Variants in USP47 observed in about 807,000 individuals in gnomAD.
USP47 encodes ubiquitin carboxyl-terminal hydrolase 47.
In USP47, 35 loss-of-function variants were observed where a neutral mutation model predicts 165.1. That is an observed-to-expected ratio of 0.21 (90% CI 0.16 to 0.28). The LOEUF is 0.28. Among genes scored for constraint, USP47 ranks in the 10% least tolerant of loss-of-function variants. The probability of loss-of-function intolerance (pLI) is 1.00; values close to 1 mark genes in which losing one functional copy is unlikely to be tolerated. For missense variants in USP47, 1,277 were observed against 1,607.4 expected (o/e 0.79, Z 3.52); for synonymous variants, 531 against 544.5 (o/e 0.98, Z 0.35).
chr11:11,906,020 A>T (rs1038555169), intron 8 of USP47, among the ~76,000 whole-genome samples: 22 of 152,254 alleles, frequency 1.4e-4, no homozygotes, highest in African/African-American at 5.3e-4. Flanking sequence ...TATTTAGTTT[A>T]AAAAATATAC....
intron 5 of USP47, among the ~76,000 whole-genome samples, chr11:11,899,657 C>T (rs1296897601): frequency 6.6e-6 from 1 of 151,972 alleles, no homozygotes; most frequent in African/African-American, 2.4e-5. Context: ...TAAAGATTTA[C>T]AGTAAGAGCA....
At chr11:11,885,731 A>G (rs1026231207) in intron 3 of USP47, among the ~76,000 whole-genome samples, 3 of 152,186 alleles carry the variant, frequency 2.0e-5, no homozygotes, top group African/African-American at 7.2e-5. Context: ...GGATCCAAGC[A>G]GCATTGTTCT....
intron 1 of USP47, among the ~76,000 whole-genome samples, chr11:11,869,788 C>G (rs955762104): frequency 6.6e-6 from 1 of 152,168 alleles, no homozygotes; most frequent in African/African-American, 2.4e-5. Context: ...GCGCTCTGCC[C>G]TCATGAATGG....
At chr11:11,871,632 T>C (rs1850070962) in intron 1 of USP47, among the ~76,000 whole-genome samples, 11 of 151,396 alleles carry the variant, frequency 7.3e-5, no homozygotes. Flanking sequence ...ACACATATGC[T>C]GATGAGAAAT....
At chr11:11,875,419 A>G (rs984983259) in intron 1 of USP47, among the ~76,000 whole-genome samples, 4 of 152,136 alleles carry the variant, frequency 2.6e-5, no homozygotes, top group Non-Finnish European at 4.4e-5. Flanking sequence ...GGGAATGTCA[A>G]GAAAAGGAGA....
At chr11:11,955,761 A>T (rs1427826041) in intron 27 of USP47, among the ~76,000 whole-genome samples, 2 of 152,266 alleles carry the variant, frequency 1.3e-5, no homozygotes, top group Non-Finnish European at 2.9e-5. Flanking sequence ...GATGTTCAAT[A>T]ATGATAGCTG....
chr11:11,920,508 ATTTT>A lies in USP47; in HGVS notation c.1218+15_1218+18del. ...GTTGAAGATGAGGTAAATATTTGTTATTTTAAAGTATTTTTCATTAATCCACATT... is the reference window on the plus strand; with the variant it reads ...GTTGAAGATGAGGTAAATATTTGTTAAAAGTATTTTTCATTAATCCACATT... On this transcript the variant is annotated intron_variant, in intron 10 of 27. Transcript: ENST00000527733. The A allele has an allele frequency of 6.3e-7, 1 of 1,587,270 alleles. No individual in the cohort carries two copies. The highest frequency in any genetic ancestry group is 8.6e-7 in the Non-Finnish European group (1 of 1,169,490).
In USP47 at chr11:11,842,156, C is replaced by A. The variant is rs1848156014; in HGVS notation, c.-30C>A. On this transcript the variant is annotated 5_prime_UTR_variant, in exon 1 of 28. Transcript: ENST00000527733. ...GCCGCCACCCTCCACCCTCCCCCGG[C>A]AGGGCGGAGAGGAGCGGCCGGAGTC... 1.3e-6 allele frequency: 2 copies of A among 1,551,174 alleles called. No homozygotes were observed. The highest frequency in any genetic ancestry group is 2.7e-5 in the African/African-American group (2 of 73,090).
chr11:11,901,326 G>A (rs1852214767), intron 5 of USP47, among the ~76,000 whole-genome samples: 1 of 152,128 alleles, frequency 6.6e-6, no homozygotes, highest in Non-Finnish European at 1.5e-5. Context: ...AAAAAGTGGG[G>A]AAATAGTAAT....
Position 11,892,699 on chromosome 11 carries a change from C to G in USP47, c.496+593C>G, listed in dbSNP as rs1291292917. 1.5e-4 allele frequency among the ~76,000 whole-genome samples: 22 copies of G among 151,420 alleles called. No homozygotes were observed. The South Asian group carries it at 4.6e-3, about 32-fold the overall frequency. ...GGCATGGTCGCTGTTGCTTGTAGTC[C>G]CAGCTCCTCAGGAGGCTTAGGTGGG... On this transcript the variant is annotated intron_variant, in intron 4 of 27. Coordinates refer to ENST00000527733, the MANE Select transcript of USP47 (RefSeq NM_001282659.2).
intron 20 of USP47, among the ~76,000 whole-genome samples, chr11:11,944,483 GTAA>G (rs979398430): frequency 1.4e-4 from 21 of 152,282 alleles, no homozygotes; most frequent in African/African-American, 4.8e-4. Context: ...AAATCGTATT[GTAA>G]TAATGTTTTA....
chr11:11,856,358 T>TG (rs1849037606), intron 1 of USP47: 1 of 152,150 alleles, frequency 6.6e-6, no homozygotes, highest in Non-Finnish European at 1.5e-5. Flanking sequence ...CAAATCAAAG[T>TG]GGGGGAAAAA....
At chr11:11,862,604 G>T (rs1849447053) in intron 1 of USP47, among the ~76,000 whole-genome samples, 1 of 152,102 alleles carries the variant, frequency 6.6e-6, no homozygotes, top group African/African-American at 2.4e-5. Flanking sequence ...AAAATTTTTT[G>T]AGAAATTTGA....
intron 16 of USP47, among the ~76,000 whole-genome samples, chr11:11,935,684 A>G (rs1855008462): frequency 6.6e-6 from 1 of 151,946 alleles, no homozygotes; most frequent in African/African-American, 2.4e-5. Flanking sequence ...CTTATTTCCT[A>G]TCAAGAGAGT....
rs146576102 is a variant in USP47, at chr11:11,924,017, A to G, written c.1386+1126A>G. 5.2e-3 allele frequency among the ~76,000 whole-genome samples: 791 copies of G among 152,266 alleles called. 10 individuals carry two copies. The highest frequency in any genetic ancestry group is 0.018 in the African/African-American group (759 of 41,550). ...GCATGCCTTTTTCTTGTCTCACTGCACTCTGTGGGACTTCCAATGCAGTGT... is the reference window on the plus strand; with the variant it reads ...GCATGCCTTTTTCTTGTCTCACTGCGCTCTGTGGGACTTCCAATGCAGTGT... On this transcript the variant is annotated intron_variant, in intron 11 of 27. Coordinates refer to ENST00000527733, the MANE Select transcript of USP47 (RefSeq NM_001282659.2).
rs555763844 is a variant in USP47 at position 11,861,437 on chromosome 11, C to T, written c.40-18740C>T. Among the ~76,000 whole-genome samples the T allele has an allele frequency of 5.9e-5, 9 of 152,154 alleles. No individual in the cohort carries two copies. In the South Asian group the frequency reaches 1.9e-3, roughly 32 times the overall value. Reference sequence around the variant, plus strand: ...GTAGTTGTATGTTGAGTGTGATGAGCCATCTGGTTGGTTGGTTTTTAATTG... The same window carrying T: ...GTAGTTGTATGTTGAGTGTGATGAGTCATCTGGTTGGTTGGTTTTTAATTG... On this transcript the variant is annotated intron_variant, in intron 1 of 27. Coordinates refer to ENST00000527733, the MANE Select transcript of USP47 (RefSeq NM_001282659.2).
chr11:11,856,199 G>A (rs939391301), intron 1 of USP47, among the ~76,000 whole-genome samples: 2 of 152,070 alleles, frequency 1.3e-5, no homozygotes, highest in Non-Finnish European at 2.9e-5. Context: ...TTAGACATTA[G>A]GGGGCAAAAA....
At position 11,960,011 on chromosome 11, in the gene USP47, AT is replaced by A. The variant is rs1847382885; in HGVS notation, c.*3843del. On this transcript the variant is annotated 3_prime_UTR_variant, in exon 28 of 28. Transcript: ENST00000527733. ...GGAGATAAAAATACTCAATGCTTAC[AT>A]TTTTTTCATAACTGTGCCAATTGTT... 6.6e-6 allele frequency among the ~76,000 whole-genome samples: 1 copy of A among 151,932 alleles called. No homozygotes were observed. Among genetic ancestry groups the A allele is most frequent in the African/African-American group, 2.4e-5 (1 of 41,342 alleles).
intron 20 of USP47, among the ~76,000 whole-genome samples, chr11:11,945,899 C>T (rs895631014): frequency 6.6e-6 from 1 of 150,826 alleles, no homozygotes; most frequent in African/African-American, 2.4e-5. Context: ...CGTACCACTG[C>T]ACTCCAGCCT....
Sources: gnomAD v4.1 joint callset for allele counts (sites outside exome capture counted in the v4.1 genomes callset) on GRCh38, gnomAD v4.1.1 for gene constraint, MANE v1.5 for transcripts, NCBI Gene and HGNC (gene_info 2026-07-23, HGNC 2026-07-21) for gene names.